The following TMEM38B variants were observed in gnomAD, a reference collection of about 807,000 sequenced individuals.
TMEM38B encodes the protein trimeric intracellular cation channel type B.
Under a neutral mutation model 28.7 loss-of-function variants are expected in TMEM38B, and 24 were observed. The ratio of observed to expected loss-of-function variants is 0.84; its 90% CI spans 0.61 to 1.18. The LOEUF (loss-of-function observed/expected upper bound fraction) is 1.18. Ranked by LOEUF, TMEM38B falls within the 50% of genes most tolerant of loss-of-function variation. The pLI, the probability that TMEM38B is intolerant of heterozygous loss-of-function variation, is 0.00. For synonymous variants in TMEM38B, 131 were observed against 127.7 expected, an observed-to-expected ratio of 1.03 and a Z score of -0.17; for missense variants, 380 against 350.9, an observed-to-expected ratio of 1.08 and a Z score of -0.66.
rs567333194 is a variant in TMEM38B at position 105,758,255 on chromosome 9, A to G, written c.660+10065A>G. On this transcript the variant is annotated intron_variant, in intron 5 of 5. Coordinates refer to ENST00000374692, the MANE Select transcript of TMEM38B (RefSeq NM_018112.3). ...CATGTATTATTCGTCCTACTTTACC[A>G]GTGTGGACACTGAGGCTCACAGACG... 695 of 669,408 alleles carry G rather than the reference A, an allele frequency of 1.0e-3. 12 individuals are homozygous for G. In the South Asian group the frequency reaches 0.012, roughly 11 times the overall value. 41.5% of individuals were successfully genotyped at this position (669,408 alleles called of 1,614,324 possible).
chr9:105,765,023 A>G (rs1470676496), intron 5 of TMEM38B, among the ~76,000 whole-genome samples: 3 of 152,260 alleles, frequency 2.0e-5, no homozygotes, highest in Non-Finnish European at 4.4e-5. Context: ...ACAACTGGCT[A>G]GCCATATGTA....
At chr9:105,737,744 G>A (rs894288218) in intron 4 of TMEM38B, among the ~76,000 whole-genome samples, 10 of 152,170 alleles carry the variant, frequency 6.6e-5, no homozygotes, top group African/African-American at 2.4e-4. Flanking sequence ...GGCTAGACCA[G>A]TGCACAGGTT....
At chr9:105,748,759 G>A (rs1231870045) in intron 5 of TMEM38B, among the ~76,000 whole-genome samples, 1 of 152,152 alleles carries the variant, frequency 6.6e-6, no homozygotes, top group African/African-American at 2.4e-5. Flanking sequence ...ATTGTTGAGA[G>A]GATTGGAGAG....
intron 1 of TMEM38B, among the ~76,000 whole-genome samples, chr9:105,699,646 A>C (rs1835399065): frequency 6.6e-6 from 1 of 152,216 alleles, no homozygotes; most frequent in South Asian, 2.1e-4. Context: ...CAGGAAAGAT[A>C]ATACTCCTCC....
At chr9:105,744,717 C>T (rs1455919216) in intron 4 of TMEM38B, among the ~76,000 whole-genome samples, 2 of 152,026 alleles carry the variant, frequency 1.3e-5, no homozygotes, top group African/African-American at 4.8e-5. Flanking sequence ...GGTATATCTC[C>T]TAATGCTATC....
In TMEM38B at chr9:105,694,607, A is replaced by C. The variant is rs2271247; in HGVS notation, c.-54A>C. On this transcript the variant is annotated 5_prime_UTR_variant, in exon 1 of 6. Transcript: ENST00000374692. ...GCCCTCTCCTACTCCTCACCGCGCGAGCGCGGGGAACCAGTAGCCGCGGCT... is the reference window on the plus strand; with the variant it reads ...GCCCTCTCCTACTCCTCACCGCGCGCGCGCGGGGAACCAGTAGCCGCGGCT... The C allele has an allele frequency of 0.31, 461,367 of 1,477,768 alleles. 74,074 individuals are homozygous for C. Among genetic ancestry groups the C allele is most frequent in the East Asian group, 0.55 (23,866 of 43,320 alleles). The allele number at this position is 1,477,768 out of a possible 1,614,324, so 91.5% of individuals were successfully genotyped here. A position where few individuals can be genotyped will look rare whatever the true frequency, so the allele number is the denominator to read the frequency against.
intron 4 of TMEM38B, among the ~76,000 whole-genome samples, chr9:105,725,257 T>C (rs1836466928): frequency 6.6e-6 from 1 of 151,866 alleles, no homozygotes; most frequent in Non-Finnish European, 1.5e-5. Context: ...TTAATCATTA[T>C]GTTTATTCTC....
intron 5 of TMEM38B, among the ~76,000 whole-genome samples, chr9:105,764,611 T>C (rs1025290822): frequency 6.6e-6 from 1 of 151,952 alleles, no homozygotes; most frequent in African/African-American, 2.4e-5. Flanking sequence ...GAACATTCCA[T>C]GCTCATGGGT....
At chr9:105,715,882 T>G (rs1003319490) in intron 2 of TMEM38B, among the ~76,000 whole-genome samples, 7 of 152,324 alleles carry the variant, frequency 4.6e-5, no homozygotes, top group African/African-American at 1.4e-4. Context: ...GTGCTTACAT[T>G]GTCTATAGGG....
chr9:105,724,930 C>T (rs1836452903), intron 4 of TMEM38B, among the ~76,000 whole-genome samples: 1 of 152,036 alleles, frequency 6.6e-6, no homozygotes. Context: ...GCATTGATTC[C>T]TCCAAACGGC....
intron 5 of TMEM38B, among the ~76,000 whole-genome samples, chr9:105,761,901 T>G (rs1437440923): frequency 1.3e-5 from 2 of 152,176 alleles, no homozygotes; most frequent in Non-Finnish European, 2.9e-5. Context: ...AGTGGCACAT[T>G]GACTTTATTT....
At chr9:105,736,264 C>T (rs539936572) in intron 4 of TMEM38B, among the ~76,000 whole-genome samples, 6 of 152,054 alleles carry the variant, frequency 3.9e-5, no homozygotes, top group African/African-American at 1.2e-4. Context: ...AGATAGTGTC[C>T]TATAAGTCCC....
chr9:105,734,341 A>G (rs1376961679), intron 4 of TMEM38B, among the ~76,000 whole-genome samples: 2 of 151,838 alleles, frequency 1.3e-5, no homozygotes. Context: ...ATTTGTTAGG[A>G]CTTGTTTTGC....
chr9:105,762,370 T>G (rs1838088226), intron 5 of TMEM38B, among the ~76,000 whole-genome samples: 1 of 150,096 alleles, frequency 6.7e-6, no homozygotes, highest in Admixed American at 6.6e-5. Flanking sequence ...ACTCATTATC[T>G]AGCATTAGGT....
chr9:105,746,439 C>T (rs1837395488), intron 4 of TMEM38B, among the ~76,000 whole-genome samples: 1 of 152,226 alleles, frequency 6.6e-6, no homozygotes, highest in African/African-American at 2.4e-5. Flanking sequence ...TATCCTGAGA[C>T]TTTGCTGAAG....
intron 5 of TMEM38B, among the ~76,000 whole-genome samples, chr9:105,765,006 T>C (rs930129879): frequency 7.2e-5 from 11 of 152,118 alleles, no homozygotes; most frequent in East Asian, 3.9e-4. Flanking sequence ...TAATAAATGG[T>C]TCTGGGACAA....
At chr9:105,773,370 A>C (rs1460601374) in intron 5 of TMEM38B, among the ~76,000 whole-genome samples, 1 of 152,158 alleles carries the variant, frequency 6.6e-6, no homozygotes, top group Non-Finnish European at 1.5e-5. Flanking sequence ...GTATTTAGTA[A>C]TCGAACTCAG....
chr9:105,771,542 T>C (rs112884222), intron 5 of TMEM38B, among the ~76,000 whole-genome samples: 3 of 152,230 alleles, frequency 2.0e-5, no homozygotes, highest in African/African-American at 7.2e-5. Context: ...GCTGTTTTCC[T>C]GACAGTAGAC....
chr9:105,708,081 G>C (rs1358124028), intron 2 of TMEM38B, among the ~76,000 whole-genome samples: 1 of 152,074 alleles, frequency 6.6e-6, no homozygotes. Flanking sequence ...AAGTGGTCTT[G>C]CTGCTTCTTT....
Sources: allele counts gnomAD v4.1 joint callset (sites outside exome capture counted in the v4.1 genomes callset), GRCh38; gene constraint gnomAD v4.1.1; transcripts MANE v1.5; gene names NCBI Gene and HGNC (gene_info 2026-07-23, HGNC 2026-07-21).